Variants in TJP1 observed in about 807,000 individuals in gnomAD.
TJP1 encodes tight junction protein 1.
TJP1 carries 43 observed loss-of-function variants against 194.2 expected under a neutral mutation model. The ratio of observed to expected loss-of-function variants is 0.22; its 90% CI spans 0.17 to 0.29. The LOEUF is 0.29. Ranked by LOEUF, TJP1 falls within the 10% of genes least tolerant of loss-of-function variation. The pLI is 1.00. For synonymous variants in TJP1, 801 were observed against 779.0 expected (o/e 1.03, Z -0.47); for missense variants, 1,971 against 2,185.7 (o/e 0.90, Z 1.96).
chr15:29,749,680 G>A (rs934909604), intron 8 of TJP1, among the ~76,000 whole-genome samples: 2 of 152,144 alleles, frequency 1.3e-5, no homozygotes, highest in Non-Finnish European at 2.9e-5. Flanking sequence ...ATGCAAGTTC[G>A]TCTGGTGACA....
chr15:29,834,405 A>G (rs1381085680), intron 2 of TJP1, among the ~76,000 whole-genome samples: 1 of 151,878 alleles, frequency 6.6e-6, no homozygotes, highest in African/African-American at 2.4e-5. Context: ...TTTTTGGTAG[A>G]GACAGAGTTT....
intron 2 of TJP1, among the ~76,000 whole-genome samples, chr15:29,845,699 G>C (rs996520408): frequency 6.6e-6 from 1 of 152,150 alleles, no homozygotes; most frequent in Admixed American, 6.5e-5. Context: ...CAGCTGTCGG[G>C]AGGCTGAGGC....
At chr15:29,884,684 A>G (rs1160799161) in intron 2 of TJP1, among the ~76,000 whole-genome samples, 1 of 152,210 alleles carries the variant, frequency 6.6e-6, no homozygotes, top group East Asian at 1.9e-4. Context: ...ACAAACCTTC[A>G]TTGAATGCCT....
At chr15:29,810,375 T>C (rs1191202882) in intron 1 of TJP1, among the ~76,000 whole-genome samples, 1 of 152,128 alleles carries the variant, frequency 6.6e-6, no homozygotes, top group Non-Finnish European at 1.5e-5. Context: ...AGAAATTAAT[T>C]ACTGATTTAG....
chr15:29,925,631 G>A (rs2054502085), intron 2 of TJP1, among the ~76,000 whole-genome samples: 1 of 152,260 alleles, frequency 6.6e-6, no homozygotes, highest in African/African-American at 2.4e-5. Flanking sequence ...AGTATGGGCT[G>A]TTCTTAAAGG....
intron 8 of TJP1, among the ~76,000 whole-genome samples, chr15:29,756,658 A>G (rs2045661793): frequency 6.6e-6 from 1 of 152,182 alleles, no homozygotes; most frequent in African/African-American, 2.4e-5. Context: ...AGAATATCAC[A>G]CAGAGGAACA....
chr15:29,945,538 C>A (rs921136259), intron 2 of TJP1, among the ~76,000 whole-genome samples: 15 of 152,082 alleles, frequency 9.9e-5, no homozygotes, highest in African/African-American at 2.9e-4. Flanking sequence ...ACATGGAGGC[C>A]CATGGCAGCA....
chr15:29,700,720 TC>T lies in TJP1; in HGVS notation c.*874del. On this transcript the variant is annotated 3_prime_UTR_variant, in exon 28 of 28. Coordinates refer to ENST00000614355, the MANE Select transcript of TJP1 (RefSeq NM_001330239.4). ...AACAGAAAACCACCACTGCCCCTTG[TC>T]AAAAAAAAAAAAAAAGAAAAGAAAA... 7 of 131,522 alleles carry T rather than the reference TC, an allele frequency of 5.3e-5. No homozygotes were observed. The highest frequency in any genetic ancestry group is 1.9e-3 in the Middle Eastern group (1 of 534). 8.1% of individuals were successfully genotyped at this position (131,522 alleles called of 1,614,324 possible). A position where few individuals can be genotyped will look rare whatever the true frequency, so the allele number is the denominator to read the frequency against.
chr15:29,951,045 T>G (rs756827986), intron 2 of TJP1, among the ~76,000 whole-genome samples: 1 of 152,162 alleles, frequency 6.6e-6, no homozygotes, highest in Non-Finnish European at 1.5e-5. Context: ...GTTAAATTGA[T>G]CAATTACATG....
chr15:29,767,598 T>A (rs1323673860), intron 4 of TJP1, among the ~76,000 whole-genome samples: 1 of 152,152 alleles, frequency 6.6e-6, no homozygotes, highest in Non-Finnish European at 1.5e-5. Context: ...TGTAAATTCA[T>A]TTTACAGAAG....
intron 11 of TJP1, among the ~76,000 whole-genome samples, chr15:29,737,015 G>A (rs1243737909): frequency 2.6e-5 from 4 of 152,116 alleles, no homozygotes; most frequent in Non-Finnish European, 5.9e-5. Context: ...GAACACGAGT[G>A]GTAGAAATGA....
intron 18 of TJP1, among the ~76,000 whole-genome samples, chr15:29,723,726 G>A (rs992778139): frequency 2.6e-5 from 4 of 152,176 alleles, no homozygotes; most frequent in African/African-American, 9.7e-5. Flanking sequence ...AAGAAATACA[G>A]TAATGCTTTT....
chr15:29,933,442 C>T (rs928753696), intron 2 of TJP1, among the ~76,000 whole-genome samples: 20 of 152,112 alleles, frequency 1.3e-4, no homozygotes, highest in African/African-American at 4.8e-4. Context: ...GGAGGAGAAT[C>T]AGGATATTGT....
intron 17 of TJP1, 54 bp downstream of exon 17, chr15:29,726,727 T>C (rs2043260766): frequency 1.9e-6 from 3 of 1,546,650 alleles, no homozygotes; most frequent in East Asian, 2.2e-5. Flanking sequence ...TTTGGCCTAC[T>C]TAATGTTGCC....
rs575550189 is a variant in TJP1 at position 29,793,421 on chromosome 15, G to A, written c.84+7225C>T. ...CATTTACAGATCTGAATATGTATTAGGTGGTTCTCACATTGCTATAAAGAA... is the reference window on the plus strand; with the variant it reads ...CATTTACAGATCTGAATATGTATTAAGTGGTTCTCACATTGCTATAAAGAA... On this transcript the variant is annotated intron_variant, in intron 2 of 27. Transcript: ENST00000614355. 3.9e-5 allele frequency among the ~76,000 whole-genome samples: 6 copies of A among 152,196 alleles called. No homozygotes were observed. The South Asian group carries it at 1.0e-3, about 26-fold the overall frequency.
intron 2 of TJP1, among the ~76,000 whole-genome samples, chr15:29,837,101 G>A (rs1450955586): frequency 6.6e-6 from 1 of 152,158 alleles, no homozygotes; most frequent in Admixed American, 6.5e-5. Flanking sequence ...AAGATGTGGA[G>A]GTGAAATATA....
intron 18 of TJP1, among the ~76,000 whole-genome samples, chr15:29,723,348 G>A (rs924564111): frequency 2.0e-5 from 3 of 152,160 alleles, no homozygotes; most frequent in African/African-American, 4.8e-5. Flanking sequence ...TGTGATAAGA[G>A]TTCTCCCAAG....
At chr15:29,769,899 CTACT>C (rs1235592339) in intron 4 of TJP1, among the ~76,000 whole-genome samples, 1 of 152,120 alleles carries the variant, frequency 6.6e-6, no homozygotes, top group Non-Finnish European at 1.5e-5. Flanking sequence ...TGTACTCCCT[CTACT>C]TATTTTTTTT....
At chr15:29,712,918 G>A (rs1309996256) in intron 23 of TJP1, among the ~76,000 whole-genome samples, 2 of 152,088 alleles carry the variant, frequency 1.3e-5, no homozygotes, top group East Asian at 3.9e-4. Flanking sequence ...AATGGTAAAT[G>A]GAGAGATAGA....
Sources: gnomAD v4.1 joint callset for allele counts (sites outside exome capture counted in the v4.1 genomes callset) on GRCh38, gnomAD v4.1.1 for gene constraint, MANE v1.5 for transcripts, NCBI Gene and HGNC (gene_info 2026-07-23, HGNC 2026-07-21) for gene names.